The following NCKAP5 variants were observed in gnomAD, a reference collection of about 807,000 sequenced individuals.
The protein encoded by NCKAP5 is nck-associated protein 5.
A neutral mutation model predicts 167.0 loss-of-function variants in NCKAP5; 92 were observed. That is an observed-to-expected ratio of 0.55 (90% CI 0.47 to 0.66). NCKAP5 has a LOEUF of 0.66. Among genes scored for constraint, NCKAP5 ranks in the 30% least tolerant of loss-of-function variants. The probability of loss-of-function intolerance (pLI) is 0.00; values close to 1 mark genes in which losing one functional copy is unlikely to be tolerated. For synonymous variants in NCKAP5, 891 were observed against 877.4 expected, an observed-to-expected ratio of 1.02 and a Z score of -0.27; for missense variants, 2,378 against 2,315.0, an observed-to-expected ratio of 1.03 and a Z score of -0.56.
chr2:133,001,204 C>T (rs1252134260), intron 6 of NCKAP5, among the ~76,000 whole-genome samples: 1 of 150,904 alleles, frequency 6.6e-6, no homozygotes, highest in Non-Finnish European at 1.5e-5. Flanking sequence ...TGGGAATATG[C>T]CTTTGACTTA....
At chr2:132,832,729 A>G (rs1456656673) in intron 11 of NCKAP5, among the ~76,000 whole-genome samples, 2 of 152,202 alleles carry the variant, frequency 1.3e-5, no homozygotes, top group African/African-American at 4.8e-5. Context: ...ACAGTGTTAC[A>G]TTATGTATAT....
At chr2:133,128,223 C>T (rs2082466237) in intron 6 of NCKAP5, among the ~76,000 whole-genome samples, 2 of 152,198 alleles carry the variant, frequency 1.3e-5, no homozygotes. Flanking sequence ...AGACAAGACC[C>T]ACACAGTTTT....
chr2:133,482,977 C>T (rs1680586205), intron 3 of NCKAP5, among the ~76,000 whole-genome samples: 1 of 152,086 alleles, frequency 6.6e-6, no homozygotes, highest in Admixed American at 6.5e-5. Flanking sequence ...CTCATTTTTC[C>T]ATGACATTGT....
chr2:132,781,876 A>G, intron 14 of NCKAP5, 64 bp downstream of exon 14: 1 of 1,484,032 alleles, frequency 6.7e-7, no homozygotes. Context: ...CAGGAAGCAA[A>G]CAACTCTTTT....
chr2:132,683,685 T>G (rs1054958526), intron 19 of NCKAP5, among the ~76,000 whole-genome samples: 2 of 152,194 alleles, frequency 1.3e-5, no homozygotes, highest in Non-Finnish European at 2.9e-5. Context: ...TATCTACCCT[T>G]TTCTTAAATT....
intron 6 of NCKAP5, among the ~76,000 whole-genome samples, chr2:133,125,218 C>T (rs1190795110): frequency 6.6e-6 from 1 of 150,976 alleles, no homozygotes; most frequent in Non-Finnish European, 1.5e-5. Context: ...CATTACTCTA[C>T]CTTTTTTTTT....
intron 3 of NCKAP5, among the ~76,000 whole-genome samples, chr2:133,384,254 C>T (rs1686756743): frequency 6.6e-6 from 1 of 152,150 alleles, no homozygotes; most frequent in African/African-American, 2.4e-5. Context: ...GGAAGGGATC[C>T]AGTTTCAGCT....
At chr2:133,201,077 A>G (rs1157330136) in intron 5 of NCKAP5, among the ~76,000 whole-genome samples, 1 of 152,188 alleles carries the variant, frequency 6.6e-6, no homozygotes, top group Non-Finnish European at 1.5e-5. Flanking sequence ...AATATCCTAG[A>G]GTAAAAGTAA....
chr2:132,928,732 C>T (rs569048279), intron 8 of NCKAP5, among the ~76,000 whole-genome samples: 1 of 152,048 alleles, frequency 6.6e-6, no homozygotes. Context: ...TAGTAAATGG[C>T]CAAATAACAC....
At chr2:133,072,955 C>A (rs576891605) in intron 6 of NCKAP5, among the ~76,000 whole-genome samples, 36 of 152,212 alleles carry the variant, frequency 2.4e-4, no homozygotes, top group Middle Eastern at 3.4e-3. Flanking sequence ...GCACTAACTA[C>A]AACAAAAAAA....
At chr2:132,714,333 AT>A (rs1332045422) in intron 19 of NCKAP5, among the ~76,000 whole-genome samples, 11 of 152,136 alleles carry the variant, frequency 7.2e-5, no homozygotes, top group Non-Finnish European at 1.6e-4. Context: ...TCAACCTTCA[AT>A]TCCAGAAATT....
the NCKAP5 span, among the ~76,000 whole-genome samples, chr2:133,658,053 G>A: frequency 1.3e-4 from 20 of 152,078 alleles, no homozygotes; most frequent in African/African-American, 3.9e-4. Flanking sequence ...TCTATGACTC[G>A]GCTCATAGCC....
At chr2:132,823,324 G>T (rs1483918716) in intron 11 of NCKAP5, among the ~76,000 whole-genome samples, 1 of 152,146 alleles carries the variant, frequency 6.6e-6, no homozygotes, top group Non-Finnish European at 1.5e-5. Flanking sequence ...ATCTATACAT[G>T]AAAACCTATC....
intron 6 of NCKAP5, among the ~76,000 whole-genome samples, chr2:133,026,315 G>T (rs1039158828): frequency 2.0e-5 from 3 of 151,002 alleles, no homozygotes; most frequent in Admixed American, 6.6e-5. Flanking sequence ...AGGTTCTTTT[G>T]CTGAGTAGCA....
intron 3 of NCKAP5, among the ~76,000 whole-genome samples, chr2:133,334,121 G>A (rs1256339248): frequency 2.0e-5 from 3 of 152,172 alleles, no homozygotes; most frequent in Non-Finnish European, 4.4e-5. Flanking sequence ...GTGGACACTG[G>A]AGCCATCTTG....
At chr2:132,908,682 G>C (rs1013512683) in intron 8 of NCKAP5, among the ~76,000 whole-genome samples, 2 of 152,128 alleles carry the variant, frequency 1.3e-5, no homozygotes, top group Non-Finnish European at 2.9e-5. Context: ...ATAGTCCACT[G>C]TTGCAGGATA....
Position 132,677,486 on chromosome 2 carries a change from A to G in NCKAP5, c.5714-4181T>C, listed in dbSNP as rs571527981. ...CTACTATGTGACCAGCTTTGTGCAAACAGTCTTGTGGTCTTGATTCTCAGA... is the reference window on the plus strand; with the variant it reads ...CTACTATGTGACCAGCTTTGTGCAAGCAGTCTTGTGGTCTTGATTCTCAGA... On this transcript the variant is annotated intron_variant, in intron 19 of 19. Transcript: ENST00000409261. 2.0e-5 allele frequency among the ~76,000 whole-genome samples: 3 copies of G among 152,254 alleles called. No homozygotes were observed. The East Asian group carries it at 5.8e-4, about 29-fold the overall frequency.
the NCKAP5 span, among the ~76,000 whole-genome samples, chr2:133,625,464 G>A: frequency 6.6e-6 from 1 of 152,098 alleles, no homozygotes; most frequent in Non-Finnish European, 1.5e-5. Flanking sequence ...GTGCGAGGCA[G>A]GAGGTGTACA....
At chr2:133,243,811 TTCTCTTTCCCTATA>T (rs1391349978) in intron 4 of NCKAP5, among the ~76,000 whole-genome samples, 5 of 152,294 alleles carry the variant, frequency 3.3e-5, no homozygotes, top group Middle Eastern at 3.4e-3. Context: ...GTTTGCTTCT[TTCTCTTTCCCTATA>T]TCTCTTCTTC....
Sources: gnomAD v4.1 joint callset for allele counts (sites outside exome capture counted in the v4.1 genomes callset) on GRCh38, gnomAD v4.1.1 for gene constraint, MANE v1.5 for transcripts, NCBI Gene and HGNC (gene_info 2026-07-23, HGNC 2026-07-21) for gene names.